Variants in MDM1 observed in about 807,000 individuals in gnomAD.
The protein encoded by MDM1 is Mdm1 nuclear protein.
A neutral mutation model predicts 89.1 loss-of-function variants in MDM1; 61 were observed. The observed-to-expected ratio is 0.68, with a 90% CI of 0.56 to 0.85. The LOEUF is 0.85. Ranked by LOEUF, MDM1 falls within the 40% of genes least tolerant of loss-of-function variation. The pLI, the probability that MDM1 is intolerant of heterozygous loss-of-function variation, is 0.00. For missense variants in MDM1, 820 were observed against 846.5 expected (o/e 0.97, Z 0.39); for synonymous variants, 290 against 294.1 (o/e 0.99, Z 0.14).
Position 68,315,082 on chromosome 12 carries a change from T to C in MDM1, c.1395A>G (p.Lys465=). 3 of 1,614,160 alleles carry C rather than the reference T, an allele frequency of 1.9e-6. No homozygotes were observed. The highest frequency in any genetic ancestry group is 1.6e-4 in the Middle Eastern group (1 of 6,062). ...DTENTSEDVQ[K]QPGEKEEEDD... ...CCTCCTCCTCTTTCTCCCCGGGCTG[T>C]TTCTGTACGTCTTCACTTGTGTTCT... The change falls in exon 10 of 15, where the codon AAA becomes AAG. Residue 465 remains lysine (K), a synonymous_variant. Transcript: ENST00000682720.
intron 13 of MDM1, among the ~76,000 whole-genome samples, chr12:68,298,767 C>T (rs1447190484): frequency 1.3e-5 from 2 of 152,202 alleles, no homozygotes; most frequent in Non-Finnish European, 2.9e-5. Context: ...ACCCACCTAC[C>T]TTAGCCACAG....
intron 7 of MDM1, among the ~76,000 whole-genome samples, chr12:68,318,601 AT>A (rs1254797856): frequency 6.6e-6 from 1 of 152,128 alleles, no homozygotes; most frequent in African/African-American, 2.4e-5. Flanking sequence ...AAAGGCTGAC[AT>A]TTTCCAAAGT....
chr12:68,321,224 G>A (rs1019089854), intron 7 of MDM1, 123 bp downstream of exon 7: 2 of 594,674 alleles, frequency 3.4e-6, no homozygotes, highest in East Asian at 2.8e-5. Context: ...TACTATTAGT[G>A]CTATTATTAT....
At chr12:68,303,424 G>A (rs934773288) in intron 12 of MDM1, among the ~76,000 whole-genome samples, 4 of 133,400 alleles carry the variant, frequency 3.0e-5, no homozygotes. Context: ...CAATCTTTCT[G>A]GGGGGCCGGC....
At position 68,325,456 on chromosome 12, in the gene MDM1, A is replaced by T. The variant is rs751208015; in HGVS notation, c.618T>A (p.Ala206=). 6.3e-7 allele frequency: 1 copy of T among 1,582,528 alleles called. No individual in the cohort carries two copies. The highest frequency in any genetic ancestry group is 1.8e-5 in the Admixed American group (1 of 54,926). ...ATTAAGCTACCTGATTGGCTGCAAA[A>T]GCTGGAGCAGTTTCTTTAGAAGTCT... ...VWKTSKETAP[A]FAANQVFHNK... Residue 206 remains alanine (A), a synonymous_variant, in exon 4 of 15, where the codon GCT becomes GCA. Coordinates refer to ENST00000682720, the MANE Select transcript of MDM1 (RefSeq NM_001354969.2).
chr12:68,311,631 C>A (rs1873704854), intron 12 of MDM1, among the ~76,000 whole-genome samples: 1 of 152,212 alleles, frequency 6.6e-6, no homozygotes, highest in Non-Finnish European at 1.5e-5. Flanking sequence ...ATCTTTCCAA[C>A]AACTTTCCCC....
At chr12:68,296,340 A>T (rs961828496) in intron 14 of MDM1, among the ~76,000 whole-genome samples, 2 of 152,176 alleles carry the variant, frequency 1.3e-5, no homozygotes, top group African/African-American at 4.8e-5. Context: ...TCTACTAAAA[A>T]TACAAAAATT....
intron 14 of MDM1, 50 bp downstream of exon 14, chr12:68,296,873 C>T (rs756596552): frequency 7.9e-7 from 1 of 1,273,044 alleles, no homozygotes; most frequent in Non-Finnish European, 1.1e-6. Context: ...AGCCATTATA[C>T]TCTCATAGAC....
chr12:68,322,932 G>A, intron 5 of MDM1, 141 bp downstream of exon 5: 1 of 727,422 alleles, frequency 1.4e-6, no homozygotes, highest in South Asian at 2.0e-5. Flanking sequence ...CCTAGTAGCT[G>A]GCTCAATGAA....
chr12:68,325,822 G>T, intron 3 of MDM1: 1 of 1,103,174 alleles, frequency 9.1e-7, no homozygotes, highest in Non-Finnish European at 1.1e-6. Flanking sequence ...GGCATCCCAG[G>T]AAAAATATAA....
chr12:68,310,762 C>T (rs1000652492), intron 12 of MDM1, among the ~76,000 whole-genome samples: 1 of 152,220 alleles, frequency 6.6e-6, no homozygotes, highest in African/African-American at 2.4e-5. Context: ...CCCACCTGTT[C>T]CCAATCCCTG....
Position 68,332,353 on chromosome 12 carries a change from C to T in MDM1, c.-108G>A, listed in dbSNP as rs1201114396. 5 of 1,356,534 alleles carry T rather than the reference C, an allele frequency of 3.7e-6. No homozygotes were observed. The highest frequency in any genetic ancestry group is 2.7e-5 in the Admixed American group (1 of 37,722). The allele number at this position is 1,356,534 out of a possible 1,614,324, so 84.0% of individuals were successfully genotyped here. ...CTAGCAAAGCCTCGGCCCGGCGTCC[C>T]CGACTACGCGCCGGCGCACTCCGCG... is the stretch of plus-strand genomic sequence containing the variant. On this transcript the variant is annotated 5_prime_UTR_variant, in exon 1 of 15. Transcript: ENST00000682720.
At position 68,316,413 on chromosome 12, in the gene MDM1, A is replaced by T. The variant is rs947517126; in HGVS notation, c.1036-160T>A. The T allele has an allele frequency of 7.3e-6, 7 of 963,010 alleles. No homozygotes were observed. The Admixed American group carries it at 1.1e-4, about 15-fold the overall frequency. The allele number at this position is 963,010 out of a possible 1,614,324, so 59.7% of individuals were successfully genotyped here. On this transcript the variant is annotated intron_variant, in intron 8 of 14. Transcript: ENST00000682720. ...GTCATCAGACTGTGCATTTAAGCAAAAACTAAAACAATCAAGCTAAAGCAT... is the reference window on the plus strand; with the variant it reads ...GTCATCAGACTGTGCATTTAAGCAATAACTAAAACAATCAAGCTAAAGCAT...
intron 2 of MDM1, among the ~76,000 whole-genome samples, chr12:68,328,385 C>G (rs1483269118): frequency 6.6e-6 from 1 of 152,162 alleles, no homozygotes; most frequent in Non-Finnish European, 1.5e-5. Context: ...GAAAATAATT[C>G]TAATTTGGCC....
chr12:68,314,253 A>C (rs1295473899), intron 10 of MDM1, among the ~76,000 whole-genome samples: 1 of 152,182 alleles, frequency 6.6e-6, no homozygotes, highest in Non-Finnish European at 1.5e-5. Context: ...AGAACTAAGC[A>C]CAAGATCAAA....
At chr12:68,322,945 T>C in intron 5 of MDM1, 128 bp downstream of exon 5, 1 of 831,704 alleles carries the variant, frequency 1.2e-6, no homozygotes, top group African/African-American at 1.8e-5. Context: ...TCAATGAACA[T>C]TTGATGAACA....
chr12:68,330,777 T>C (rs1876679156), intron 2 of MDM1: 2 of 237,634 alleles, frequency 8.4e-6, no homozygotes, highest in East Asian at 1.9e-4. Flanking sequence ...GATGGGCTTT[T>C]GTGACATCCC....
rs781144260 is a variant in MDM1 at position 68,326,747 on chromosome 12, A to G, written c.408T>C (p.Asn136=). The G allele has an allele frequency of 6.2e-7, 1 of 1,613,872 alleles. No homozygotes were observed. The highest frequency in any genetic ancestry group is 1.3e-5 in the African/African-American group (1 of 74,862). Residue 136 remains asparagine, a synonymous_variant, in exon 3 of 15, where the codon AAT becomes AAC. Coordinates refer to ENST00000682720, the MANE Select transcript of MDM1 (RefSeq NM_001354969.2). ...GTGTATGGTTTGTTACACCCTCATT[A>G]TTTTCCACATCTGAAGCCCCTTCAG... ...SRAEGASDVE[N]NEGVTNHTPV...
chr12:68,324,292 T>TA (rs1269146167), intron 4 of MDM1, among the ~76,000 whole-genome samples: 1 of 152,110 alleles, frequency 6.6e-6, no homozygotes, highest in South Asian at 2.1e-4. Flanking sequence ...AAATACTCTA[T>TA]AAAAAACTGA....
Sources: gnomAD v4.1 joint callset for allele counts (sites outside exome capture counted in the v4.1 genomes callset) on GRCh38, gnomAD v4.1.1 for gene constraint, MANE v1.5 for transcripts, NCBI Gene and HGNC (gene_info 2026-07-23, HGNC 2026-07-21) for gene names.